The following KLHL20 variants were observed in gnomAD, a reference collection of about 807,000 sequenced individuals.
The protein encoded by KLHL20 is kelch-like protein 20.
KLHL20 carries 29 observed loss-of-function variants against 69.5 expected under a neutral mutation model. The observed-to-expected ratio is 0.42, with a 90% CI of 0.31 to 0.57. KLHL20 has a LOEUF of 0.57. Among genes scored for constraint, KLHL20 ranks in the 20% least tolerant of loss-of-function variants. The pLI, the probability that KLHL20 is intolerant of heterozygous loss-of-function variation, is 0.18. For synonymous variants in KLHL20, 253 were observed against 265.2 expected, an observed-to-expected ratio of 0.95 and a Z score of 0.45; for missense variants, 419 against 776.0, an observed-to-expected ratio of 0.54 and a Z score of 5.47.
intron 2 of KLHL20, among the ~76,000 whole-genome samples, chr1:173,724,554 A>G (rs1004735863): frequency 2.6e-5 from 4 of 152,240 alleles, no homozygotes; most frequent in African/African-American, 9.6e-5. Flanking sequence ...CAAAAATCCA[A>G]ATATCTTATT....
intron 2 of KLHL20, among the ~76,000 whole-genome samples, chr1:173,726,941 A>G (rs951707907): frequency 5.3e-5 from 8 of 152,186 alleles, no homozygotes; most frequent in African/African-American, 1.9e-4. Context: ...CAGACTATCA[A>G]ACTTCTCTGA....
rs550098462 is a variant in KLHL20 at position 173,785,137 on chromosome 1, A to G, written c.1746-26A>G. ...TTGTAACATATTTTCCAGTTAGAAA[A>G]TATGATTATGTTTCTTTCTTTGCAG... On this transcript the variant is annotated intron_variant, in intron 11 of 11. Coordinates refer to ENST00000209884, the MANE Select transcript of KLHL20 (RefSeq NM_014458.4). 3.8e-6 allele frequency: 6 copies of G among 1,592,170 alleles called. No homozygotes were observed. The South Asian group carries it at 5.6e-5, about 15-fold the overall frequency.
At chr1:173,776,018 TC>T (rs1648442258) in intron 10 of KLHL20, among the ~76,000 whole-genome samples, 176 bp downstream of exon 10, 1 of 152,142 alleles carries the variant, frequency 6.6e-6, no homozygotes, top group Admixed American at 6.6e-5. Flanking sequence ...TTGAGGAACC[TC>T]CAAACTGTTG....
At chr1:173,768,306 G>A (rs931773998) in intron 8 of KLHL20, among the ~76,000 whole-genome samples, 1 of 152,002 alleles carries the variant, frequency 6.6e-6, no homozygotes, top group Non-Finnish European at 1.5e-5. Context: ...TCAGCTTTTC[G>A]TCATTAGATT....
At position 173,755,962 on chromosome 1, in the gene KLHL20, G is replaced by T. The variant is rs16846395; in HGVS notation, c.891G>T (p.Pro297=). Reference sequence around the variant, plus strand: ...AGGCTAAAAACTACCTCCTATTGCCGCAAGAACGACCACTAATGCAAGGAC... The same window carrying T: ...AGGCTAAAAACTACCTCCTATTGCCTCAAGAACGACCACTAATGCAAGGAC... ...VDEAKNYLLL[P]QERPLMQGPR... Residue 297 remains proline, a synonymous_variant, in exon 6 of 12, where the codon CCG becomes CCT. Coordinates refer to ENST00000209884, the MANE Select transcript of KLHL20 (RefSeq NM_014458.4). 2.5e-6 allele frequency: 4 copies of T among 1,613,790 alleles called. No homozygotes were observed. The East Asian group carries it at 8.9e-5, about 36-fold the overall frequency.
intron 7 of KLHL20, among the ~76,000 whole-genome samples, chr1:173,759,167 G>A (rs1030238147): frequency 2.0e-5 from 3 of 152,106 alleles, no homozygotes; most frequent in Middle Eastern, 3.4e-3. Flanking sequence ...AATCTTCCTA[G>A]GTACACAACT....
At chr1:173,726,089 A>T (rs1477010156) in intron 2 of KLHL20, among the ~76,000 whole-genome samples, 1 of 152,170 alleles carries the variant, frequency 6.6e-6, no homozygotes, top group Non-Finnish European at 1.5e-5. Flanking sequence ...ACGGCACGCC[A>T]GGAGATTATA....
At chr1:173,732,713 A>G (rs1408310201) in intron 2 of KLHL20, among the ~76,000 whole-genome samples, 1 of 152,172 alleles carries the variant, frequency 6.6e-6, no homozygotes, top group African/African-American at 2.4e-5. Flanking sequence ...TTTAAATACT[A>G]CTTATTTATA....
At chr1:173,783,609 T>C (rs1374919423) in intron 11 of KLHL20, among the ~76,000 whole-genome samples, 3 of 152,212 alleles carry the variant, frequency 2.0e-5, no homozygotes, top group Non-Finnish European at 4.4e-5. Context: ...GGCTCATGCC[T>C]GTAATCTCAG....
intron 3 of KLHL20, among the ~76,000 whole-genome samples, chr1:173,748,612 A>C (rs1673171709): frequency 6.6e-6 from 1 of 152,190 alleles, no homozygotes; most frequent in South Asian, 2.1e-4. Context: ...AAGATTTGCC[A>C]TCACTGAGGA....
At chr1:173,729,504 A>C (rs1672149496) in intron 2 of KLHL20, among the ~76,000 whole-genome samples, 1 of 152,230 alleles carries the variant, frequency 6.6e-6, no homozygotes, top group African/African-American at 2.4e-5. Flanking sequence ...ATCCAGCAGC[A>C]CATCAAGAAG....
intron 7 of KLHL20, 131 bp downstream of exon 7, chr1:173,757,290 A>T (rs1673593020): frequency 3.8e-6 from 3 of 780,914 alleles, no homozygotes; most frequent in South Asian, 3.9e-5. Flanking sequence ...TAAACAAGTT[A>T]GTATGATACA....
At chr1:173,754,053 T>C (rs1673427830) in intron 5 of KLHL20, among the ~76,000 whole-genome samples, 1 of 147,292 alleles carries the variant, frequency 6.8e-6, no homozygotes, top group Non-Finnish European at 1.5e-5. Context: ...ACACTGACCT[T>C]TGAACCTCCC....
chr1:173,736,576 C>T (rs1333728959), intron 3 of KLHL20, among the ~76,000 whole-genome samples: 1 of 151,752 alleles, frequency 6.6e-6, no homozygotes, highest in Non-Finnish European at 1.5e-5. Context: ...CCCTTTTCAC[C>T]ACATCCATGC....
chr1:173,737,927 G>C (rs1672611278), intron 3 of KLHL20, among the ~76,000 whole-genome samples: 2 of 151,196 alleles, frequency 1.3e-5, no homozygotes, highest in African/African-American at 4.9e-5. Flanking sequence ...TCTGTAGTGA[G>C]ATATATTCCT....
At chr1:173,756,179 CA>C in intron 6 of KLHL20, 141 bp downstream of exon 6, 1 of 619,510 alleles carries the variant, frequency 1.6e-6, no homozygotes, top group African/African-American at 1.9e-5. Flanking sequence ...ACTCATAACC[CA>C]TGATTCCACA....
intron 10 of KLHL20, among the ~76,000 whole-genome samples, chr1:173,779,736 T>C (rs922324802): frequency 6.6e-6 from 1 of 152,204 alleles, no homozygotes. Context: ...ATTAGATCTA[T>C]ATATTGCAAC....
intron 2 of KLHL20, among the ~76,000 whole-genome samples, chr1:173,722,105 A>G (rs1398899160): frequency 6.6e-6 from 1 of 152,076 alleles, no homozygotes; most frequent in Non-Finnish European, 1.5e-5. Context: ...ACATGTCACC[A>G]CACCTGGATA....
chr1:173,734,019 G>A lies in KLHL20; in HGVS notation c.330G>A (p.Val110=), dbSNP rs1344381144. 2 of 1,614,160 alleles carry A rather than the reference G, an allele frequency of 1.2e-6. No individual in the cohort carries two copies. The highest frequency in any genetic ancestry group is 1.7e-6 in the Non-Finnish European group (2 of 1,180,014). ...CAGAGAGCCGTCAGACAGAAGTAGT[G>A]ATCCGAGACATTGACGAGAGGGCTA... ...ELAESRQTEV[V]IRDIDERAME... is the part of the protein sequence containing the mutation. The change falls in exon 3 of 12, where the codon GTG becomes GTA. Residue 110 remains valine, a synonymous_variant. Transcript: ENST00000209884.
Sources: gnomAD v4.1 joint callset for allele counts (sites outside exome capture counted in the v4.1 genomes callset) on GRCh38, gnomAD v4.1.1 for gene constraint, MANE v1.5 for transcripts, NCBI Gene and HGNC (gene_info 2026-07-23, HGNC 2026-07-21) for gene names.